LANCL2: variants seen among roughly 807,000 people sequenced by gnomAD.
LANCL2 encodes lanC-like protein 2.
A neutral mutation model predicts 56.9 loss-of-function variants in LANCL2; 33 were observed. The ratio of observed to expected loss-of-function variants is 0.58; its 90% CI spans 0.44 to 0.78. The LOEUF (loss-of-function observed/expected upper bound fraction) is 0.78. Among genes scored for constraint, LANCL2 ranks in the 30% least tolerant of loss-of-function variants. The pLI is 0.00. For synonymous variants in LANCL2, 233 were observed against 228.2 expected (o/e 1.02, Z -0.19); for missense variants, 562 against 580.2 (o/e 0.97, Z 0.32).
chr7:55,385,101 C>T (rs1790109909), intron 1 of LANCL2, among the ~76,000 whole-genome samples: 2 of 152,052 alleles, frequency 1.3e-5, no homozygotes, highest in African/African-American at 2.4e-5. Context: ...GCAGGAGAAT[C>T]GCTTGACTCT....
At chr7:55,412,184 A>G (rs893500253) in intron 6 of LANCL2, 95 bp downstream of exon 6, 1 of 1,111,354 alleles carries the variant, frequency 9.0e-7, no homozygotes, top group South Asian at 1.6e-5. Flanking sequence ...ATTTGACTGT[A>G]CACTAAAAAC....
At chr7:55,421,228 T>C (rs2128996184) in intron 6 of LANCL2, among the ~76,000 whole-genome samples, 1 of 152,064 alleles carries the variant, frequency 6.6e-6, no homozygotes, top group East Asian at 1.9e-4. Context: ...TTTTTTAAAA[T>C]TACATTTTGT....
At chr7:55,402,723 G>C (rs1455333566) in intron 5 of LANCL2, among the ~76,000 whole-genome samples, 2 of 125,568 alleles carry the variant, frequency 1.6e-5, no homozygotes, top group African/African-American at 6.2e-5. Context: ...CCTCCCAGAC[G>C]GGGTGGCTGC....
At chr7:55,428,003 G>T in intron 7 of LANCL2, 1 of 181,746 alleles carries the variant, frequency 5.5e-6, no homozygotes. Context: ...AGCTGCTGCT[G>T]AGAGCCATTT....
chr7:55,365,656 G>C lies in LANCL2; in HGVS notation c.-370G>C, dbSNP rs1218222288. 1 of 179,426 alleles carries C rather than the reference G, an allele frequency of 5.6e-6. No homozygotes were observed. The highest frequency in any genetic ancestry group is 2.3e-5 in the African/African-American group (1 of 42,654). 11.1% of individuals were successfully genotyped at this position (179,426 alleles called of 1,614,324 possible). On this transcript the variant is annotated 5_prime_UTR_variant, in exon 1 of 9. Transcript: ENST00000254770. The stretch of plus-strand genomic sequence containing the variant: ...CCGGGCGCAGCGATCCCCACCCCGG[G>C]ACTCCAGCCCCGGCCGTGCGCGTCG...
In LANCL2 at chr7:55,412,056, G is replaced by A. The variant is rs73698401; in HGVS notation, c.975G>A (p.Pro325=). Residue 325 remains proline, a synonymous_variant, in exon 6 of 9, where the codon CCG becomes CCA. Transcript: ENST00000254770. The part of the protein sequence containing the change: ...DRLVHWCHGA[P]GVIHMLMQAY... ...TGGTGCACTGGTGCCACGGCGCCCC[G>A]GGGGTCATCCACATGCTCATGCAGG... 4.8e-5 allele frequency: 77 copies of A among 1,614,048 alleles called. No individual in the cohort carries two copies. Among genetic ancestry groups the A allele is most frequent in the African/African-American group, 1.6e-4 (12 of 75,050 alleles).
intron 1 of LANCL2, among the ~76,000 whole-genome samples, chr7:55,384,232 T>C (rs968597662): frequency 1.3e-5 from 2 of 152,170 alleles, no homozygotes; most frequent in African/African-American, 4.8e-5. Flanking sequence ...TAGTTGAGAA[T>C]TTTGCACATT....
intron 1 of LANCL2, among the ~76,000 whole-genome samples, chr7:55,368,394 A>G (rs898696916): frequency 4.6e-5 from 7 of 152,240 alleles, no homozygotes; most frequent in African/African-American, 1.2e-4. Flanking sequence ...GGTTGTGAGT[A>G]TATGCTAAAG....
At chr7:55,392,582 C>G (rs1310912144) in intron 2 of LANCL2, among the ~76,000 whole-genome samples, 1 of 138,470 alleles carries the variant, frequency 7.2e-6, no homozygotes, top group Admixed American at 6.9e-5. Flanking sequence ...TTCCTGGGCT[C>G]AAGCGATCCT....
chr7:55,422,905 T>C (rs1790623775), intron 6 of LANCL2, among the ~76,000 whole-genome samples: 2 of 152,230 alleles, frequency 1.3e-5, no homozygotes, highest in Non-Finnish European at 2.9e-5. Context: ...GGGATCCATC[T>C]GTTTTGTAGC....
At chr7:55,405,393 A>G (rs1265140388) in intron 5 of LANCL2, among the ~76,000 whole-genome samples, 2 of 152,120 alleles carry the variant, frequency 1.3e-5, no homozygotes, top group Admixed American at 6.6e-5. Context: ...ACCTTTAGAG[A>G]CACACCCAGA....
intron 5 of LANCL2, among the ~76,000 whole-genome samples, chr7:55,405,411 T>G (rs757466167): frequency 5.9e-5 from 9 of 152,188 alleles, no homozygotes; most frequent in Non-Finnish European, 1.2e-4. Context: ...AGACACCATG[T>G]TTAATTTGAC....
Position 55,391,810 on chromosome 7 carries a change from A to G in LANCL2, c.222A>G (p.Ile74Met), listed in dbSNP as rs199981247. Reference sequence around the variant, plus strand: ...GATCTCAGATCATTCATAATTTCATAAGACGGATCCAGACCAAAATTAAAG... The same window carrying G: ...GATCTCAGATCATTCATAATTTCATGAGACGGATCCAGACCAAAATTAAAG... ...HQDGKIIHNF[I>M]RRIQTKIKDL... Residue 74 changes from isoleucine (I) to methionine (M), a missense_variant, in exon 2 of 9, where the codon ATA becomes ATG. Around this residue, in one of 2 missense-constraint regions of LANCL2, gnomAD observed 184 missense variants for 111.8 expected, o/e 1.65. Transcript: ENST00000254770. The G allele has an allele frequency of 3.1e-6, 5 of 1,600,582 alleles. No homozygotes were observed. The East Asian group carries it at 1.1e-4, about 36-fold the overall frequency.
In LANCL2 at chr7:55,433,313, AAGG is replaced by A. The variant is rs1302120878; in HGVS notation, c.*1999_*2001del. The A allele has an allele frequency of 6.6e-5, 10 of 152,248 alleles. No homozygotes were observed. In the South Asian group the frequency reaches 1.4e-3, roughly 22 times the overall value. The allele number at this position is 152,248 out of a possible 1,614,324, so 9.4% of individuals were successfully genotyped here. ...GGGAAAGATTAAAATCTGTGGAATAAAGGAGGAGATTTTATTTACAGATTTTTT... is the reference window on the plus strand; with the variant it reads ...GGGAAAGATTAAAATCTGTGGAATAAAGGAGATTTTATTTACAGATTTTTT... On this transcript the variant is annotated 3_prime_UTR_variant, in exon 9 of 9. Coordinates refer to ENST00000254770, the MANE Select transcript of LANCL2 (RefSeq NM_018697.4).
chr7:55,398,390 A>G, intron 2 of LANCL2, 33 bp from the exon 3 acceptor site: 1 of 1,464,896 alleles, frequency 6.8e-7, no homozygotes, highest in Non-Finnish European at 9.6e-7. Flanking sequence ...AAAGATAATA[A>G]TGCTTTTCTT....
intron 6 of LANCL2, among the ~76,000 whole-genome samples, chr7:55,423,323 CG>C (rs1562870268): frequency 6.6e-6 from 1 of 151,932 alleles, no homozygotes; most frequent in African/African-American, 2.4e-5. Context: ...GCCTCGCAGG[CG>C]CAGGGACGGC....
intron 5 of LANCL2, among the ~76,000 whole-genome samples, chr7:55,406,689 A>G (rs1259958805): frequency 3.3e-5 from 5 of 152,238 alleles, no homozygotes; most frequent in Non-Finnish European, 7.4e-5. Context: ...TTGGAAGGCT[A>G]TCAGAACAAT....
rs574714426 is a variant in LANCL2 at position 55,383,831 on chromosome 7, C to T, written c.205-7962C>T. ...CATACTGGGCAAGAGAGTGAGACTT[C>T]GTCTCTCTCTATATATATATGTGTA... On this transcript the variant is annotated intron_variant, in intron 1 of 8. Transcript: ENST00000254770. Among the ~76,000 whole-genome samples, 4 of 139,674 alleles carry T rather than the reference C, an allele frequency of 2.9e-5. No homozygotes were observed. In the East Asian group the frequency reaches 7.8e-4, roughly 27 times the overall value. 91.6% of individuals were successfully genotyped at this position (139,674 alleles called of 152,430 possible).
At chr7:55,370,760 A>G (rs1001663446) in intron 1 of LANCL2, among the ~76,000 whole-genome samples, 2 of 152,144 alleles carry the variant, frequency 1.3e-5, no homozygotes, top group Admixed American at 6.5e-5. Context: ...AAGGGATACC[A>G]CATTATGAGA....
Sources: allele counts gnomAD v4.1 joint callset (sites outside exome capture counted in the v4.1 genomes callset), GRCh38; gene constraint gnomAD v4.1.1; regional missense constraint gnomAD v4.1.1; transcripts MANE v1.5; gene names NCBI Gene and HGNC (gene_info 2026-07-23, HGNC 2026-07-21).